The following NHSL1 variants were observed in gnomAD, a reference collection of about 807,000 sequenced individuals.
NHSL1 encodes NHS like 1.
Under a neutral mutation model 95.0 loss-of-function variants are expected in NHSL1, and 48 were observed. The ratio of observed to expected loss-of-function variants is 0.51; its 90% CI spans 0.40 to 0.64. The LOEUF (loss-of-function observed/expected upper bound fraction) is 0.64. Ranked by LOEUF, NHSL1 falls within the 30% of genes least tolerant of loss-of-function variation. The pLI is 0.00. For synonymous variants in NHSL1, 783 were observed against 833.9 expected, an observed-to-expected ratio of 0.94 and a Z score of 1.05; for missense variants, 1,971 against 2,077.7, an observed-to-expected ratio of 0.95 and a Z score of 1.00.
At chr6:138,590,234 G>C (rs771680597) in intron 1 of NHSL1, among the ~76,000 whole-genome samples, 1 of 152,186 alleles carries the variant, frequency 6.6e-6, no homozygotes, top group Non-Finnish European at 1.5e-5. Flanking sequence ...CTGACCTCAG[G>C]TGATCCGTTG....
chr6:138,547,389 T>C (rs114162564), upstream of NHSL1, among the ~76,000 whole-genome samples: 341 of 152,156 alleles, frequency 2.2e-3, no homozygotes, highest in African/African-American at 7.8e-3. Context: ...TCTTCTTCTT[T>C]TTTTTTCCCC....
intron 1 of NHSL1, among the ~76,000 whole-genome samples, chr6:138,507,009 T>A (rs549543263): frequency 6.6e-6 from 1 of 152,368 alleles, no homozygotes; most frequent in Admixed American, 6.5e-5. Flanking sequence ...GCATTTTTCT[T>A]ACAGATTACT....
intron 3 of NHSL1, among the ~76,000 whole-genome samples, chr6:138,460,331 G>C (rs78019394): frequency 6.6e-6 from 1 of 152,050 alleles, no homozygotes; most frequent in East Asian, 1.9e-4. Flanking sequence ...AATTACCTAT[G>C]TATCTCCCAT....
chr6:138,587,503 C>CAAA (rs35723995), intron 1 of NHSL1, among the ~76,000 whole-genome samples: 3 of 59,868 alleles, frequency 5.0e-5, no homozygotes, highest in South Asian at 6.3e-4. Flanking sequence ...AAAACTCTGT[C>CAAA]AAAAAAAAAA....
At chr6:138,522,019 A>G (rs1338522581) in intron 1 of NHSL1, among the ~76,000 whole-genome samples, 1 of 152,212 alleles carries the variant, frequency 6.6e-6, no homozygotes, top group Non-Finnish European at 1.5e-5. Context: ...TCAGCTCCCT[A>G]GAATATGCTA....
chr6:138,675,411 G>A (rs986868582), intron 1 of NHSL1, among the ~76,000 whole-genome samples: 1 of 152,178 alleles, frequency 6.6e-6, no homozygotes, highest in African/African-American at 2.4e-5. Context: ...CACTCATGTT[G>A]TAGACGAGGT....
Position 138,475,332 on chromosome 6 carries a change from G to T in NHSL1, c.212-1899C>A, listed in dbSNP as rs971345511. 2.0e-5 allele frequency among the ~76,000 whole-genome samples: 3 copies of T among 151,750 alleles called. No individual in the cohort carries two copies. In the East Asian group the frequency reaches 5.8e-4, roughly 29 times the overall value. ...CAATCTCCTAGGCTCAAGTGATCCT[G>T]CCACCTCAGCTTCCTGAGTAGCTGG... On this transcript the variant is annotated intron_variant, in intron 2 of 7. Transcript: ENST00000343505.
intron 5 of NHSL1, among the ~76,000 whole-genome samples, chr6:138,437,441 C>A (rs60521321): frequency 0.17 from 5,973 of 35,312 alleles, 921 homozygotes; most frequent in East Asian, 0.3. Context: ...CACACACACA[C>A]ACACAAAAAA....
At chr6:138,538,131 A>G (rs1439044199) in intron 1 of NHSL1, among the ~76,000 whole-genome samples, 2 of 152,188 alleles carry the variant, frequency 1.3e-5, no homozygotes, top group African/African-American at 4.8e-5. Flanking sequence ...CTTTTGCATA[A>G]AATACTGGGT....
intron 5 of NHSL1, among the ~76,000 whole-genome samples, chr6:138,435,706 A>C (rs775256703): frequency 1.3e-5 from 2 of 150,306 alleles, no homozygotes; most frequent in Non-Finnish European, 3.0e-5. Context: ...ATTGCAGATA[A>C]CTGGGGTTTT....
intron 2 of NHSL1, among the ~76,000 whole-genome samples, chr6:138,489,523 T>G (rs924194868): frequency 4.3e-4 from 66 of 151,938 alleles, no homozygotes; most frequent in African/African-American, 1.5e-3. Context: ...TGCCAGCACT[T>G]TGGGAGGCCG....
chr6:138,643,642 T>C (rs1784983743), intron 1 of NHSL1, among the ~76,000 whole-genome samples: 1 of 152,172 alleles, frequency 6.6e-6, no homozygotes, highest in African/African-American at 2.4e-5. Flanking sequence ...AATAAATATA[T>C]CTCAGTCATC....
rs61127642 is a variant in NHSL1 at position 138,566,399 on chromosome 6, AAATC to A, written c.202+5307_202+5310del. Among the ~76,000 whole-genome samples, 1,049 of 149,866 alleles carry A rather than the reference AAATC, an allele frequency of 7.0e-3. 4 individuals are homozygous for A. The highest frequency in any genetic ancestry group is 6.5e-3 in the Non-Finnish European group (442 of 67,796). The stretch of plus-strand genomic sequence containing the variant: ...GGCGACAGAGCAAGACTCTGTCTCA[AAATC>A]AATCAATCAATCAATCAATCAATCA... On this transcript the variant is annotated intron_variant, in intron 1 of 6. Coordinates refer to the NHSL1 transcript ENST00000427025.
chr6:138,573,033 C>T (rs146000737), upstream of NHSL1, among the ~76,000 whole-genome samples: 52 of 152,330 alleles, frequency 3.4e-4, 1 homozygote, highest in African/African-American at 1.2e-3. Flanking sequence ...ACTGTCACTC[C>T]TGCCTGTCAC....
At chr6:138,599,989 C>T (rs1342020671) in intron 1 of NHSL1, among the ~76,000 whole-genome samples, 1 of 151,938 alleles carries the variant, frequency 6.6e-6, no homozygotes, top group African/African-American at 2.4e-5. Flanking sequence ...TAAAAAAATA[C>T]AAAAACTAGC....
At chr6:138,692,852 C>T (rs1583484211), upstream of NHSL1, among the ~76,000 whole-genome samples, 2 of 151,012 alleles carry the variant, frequency 1.3e-5, no homozygotes, top group South Asian at 4.1e-4. This position sits in a 1 kb window ranked among gnomAD's most constrained non-coding sequence, Gnocchi z 4.0. Context: ...AAGGAAGTCC[C>T]GGGCAGCGGC....
chr6:138,446,348 C>G (rs1008555009), intron 4 of NHSL1, among the ~76,000 whole-genome samples: 2 of 152,080 alleles, frequency 1.3e-5, no homozygotes, highest in African/African-American at 4.8e-5. Context: ...ATTTTGCTAT[C>G]TTTTTAGCAG....
chr6:138,568,096 CTGGAA>C (rs1783687354), intron 1 of NHSL1, among the ~76,000 whole-genome samples: 1 of 152,196 alleles, frequency 6.6e-6, no homozygotes, highest in African/African-American at 2.4e-5. Flanking sequence ...TTCCACAGTG[CTGGAA>C]AAGCAGCAGG....
At chr6:138,566,103 AAAAC>A (rs1053498873) in intron 1 of NHSL1, among the ~76,000 whole-genome samples, 8 of 152,142 alleles carry the variant, frequency 5.3e-5, no homozygotes, top group African/African-American at 1.9e-4. Flanking sequence ...AAAATTATTA[AAAAC>A]AAACTGTTGG....
Sources: allele counts gnomAD v4.1 joint callset (sites outside exome capture counted in the v4.1 genomes callset), GRCh38; gene constraint gnomAD v4.1.1; non-coding constraint Gnocchi (gnomAD v3.1); transcripts MANE v1.5; gene names NCBI Gene and HGNC (gene_info 2026-07-23, HGNC 2026-07-21).